The following ZFPM2 variants were observed in gnomAD, a reference collection of about 807,000 sequenced individuals.
ZFPM2 encodes zinc finger protein, FOG family member 2.
ZFPM2 carries 20 observed loss-of-function variants against 98.6 expected under a neutral mutation model. The observed-to-expected ratio is 0.20, with a 90% confidence interval of 0.14 to 0.29. The LOEUF (loss-of-function observed/expected upper bound fraction) is 0.29, where lower values mean the gene tolerates loss of function less well. ZFPM2 is among the 10% of genes least tolerant of loss of function. The probability of loss-of-function intolerance (pLI) is 1.00; values close to 1 mark genes in which losing one functional copy is unlikely to be tolerated. For missense variants in ZFPM2, 1,310 were observed against 1,388.6 expected, an observed-to-expected ratio of 0.94 and a Z score of 0.90; for synonymous variants, 518 against 502.7, an observed-to-expected ratio of 1.03 and a Z score of -0.41.
intron 2 of ZFPM2, among the ~76,000 whole-genome samples, chr8:105,438,763 A>G (rs1214459318): frequency 6.6e-6 from 1 of 152,162 alleles, no homozygotes; most frequent in Non-Finnish European, 1.5e-5. Flanking sequence ...ACAGGGTCAT[A>G]TCAGTCCCCC....
intron 5 of ZFPM2, among the ~76,000 whole-genome samples, chr8:105,778,872 C>G (rs1813173242): frequency 6.6e-6 from 1 of 151,048 alleles, no homozygotes; most frequent in Admixed American, 6.6e-5. Flanking sequence ...ATCTTGAGAG[C>G]CTGATTCACA....
intron 5 of ZFPM2, among the ~76,000 whole-genome samples, chr8:105,730,634 C>A (rs1323849943): frequency 1.3e-5 from 2 of 151,628 alleles, no homozygotes; most frequent in East Asian, 3.9e-4. Context: ...CTTAATGCCT[C>A]TTCTGGACAT....
At chr8:105,487,204 C>G (rs1813246955) in intron 3 of ZFPM2, among the ~76,000 whole-genome samples, 1 of 152,080 alleles carries the variant, frequency 6.6e-6, no homozygotes, top group Admixed American at 6.5e-5. Flanking sequence ...CCTGGACCTC[C>G]TGGGCTCAAG....
chr8:105,633,899 C>G (rs1424861673), intron 4 of ZFPM2, among the ~76,000 whole-genome samples: 3 of 152,000 alleles, frequency 2.0e-5, no homozygotes, highest in African/African-American at 7.2e-5. Flanking sequence ...TACAATGTGT[C>G]TAAAGTTCAC....
At chr8:105,487,099 T>C (rs559016315) in intron 3 of ZFPM2, among the ~76,000 whole-genome samples, 1 of 152,274 alleles carries the variant, frequency 6.6e-6, no homozygotes, top group African/African-American at 2.4e-5. Flanking sequence ...TAAAAGCTTA[T>C]ATGTAGTGTG....
intron 1 of ZFPM2, among the ~76,000 whole-genome samples, chr8:105,362,355 G>A (rs1482240398): frequency 6.6e-6 from 1 of 151,870 alleles, no homozygotes; most frequent in African/African-American, 2.4e-5. Flanking sequence ...TTATATTGGT[G>A]CTACTAAGTT....
chr8:105,429,173 A>G (rs1811969718), intron 2 of ZFPM2, among the ~76,000 whole-genome samples: 1 of 152,160 alleles, frequency 6.6e-6, no homozygotes, highest in Admixed American at 6.5e-5. Context: ...TATTGTTGCT[A>G]TATGATTAGC....
At chr8:105,627,762 A>G (rs1235526606) in intron 4 of ZFPM2, among the ~76,000 whole-genome samples, 1 of 152,168 alleles carries the variant, frequency 6.6e-6, no homozygotes. Context: ...TGAATTGGCC[A>G]TTGGATCTTA....
chr8:105,422,405 C>A (rs775270717), intron 2 of ZFPM2, among the ~76,000 whole-genome samples: 6 of 152,106 alleles, frequency 3.9e-5, no homozygotes, highest in Non-Finnish European at 8.8e-5. Flanking sequence ...TGAGCCACTG[C>A]ATGCCCGCCT....
At chr8:105,770,405 C>T (rs753644092) in intron 5 of ZFPM2, among the ~76,000 whole-genome samples, 8 of 152,018 alleles carry the variant, frequency 5.3e-5, no homozygotes, top group Admixed American at 2.0e-4. Flanking sequence ...TTTTATCTCA[C>T]GAAAGTTAAC....
intron 1 of ZFPM2, among the ~76,000 whole-genome samples, chr8:105,386,053 A>G (rs1241490927): frequency 2.6e-5 from 4 of 152,202 alleles, no homozygotes; most frequent in Admixed American, 6.5e-5. Context: ...AATATTAAAT[A>G]AATTAATGTA....
At chr8:105,664,360 T>TGTGTGTGTGTGTGA (rs549592245) in intron 5 of ZFPM2, among the ~76,000 whole-genome samples, 1 of 144,450 alleles carries the variant, frequency 6.9e-6, no homozygotes, top group African/African-American at 2.5e-5. Context: ...TGTGTGTGTG[T>TGTGTGTGTGTGTGA]GACAGAGTTT....
chr8:105,370,831 G>A (rs1810608533), intron 1 of ZFPM2, among the ~76,000 whole-genome samples: 1 of 152,182 alleles, frequency 6.6e-6, no homozygotes. Flanking sequence ...GAATCTAGCT[G>A]GTAATGTACA....
chr8:105,772,607 A>G (rs1377560265), intron 5 of ZFPM2, among the ~76,000 whole-genome samples: 1 of 152,168 alleles, frequency 6.6e-6, no homozygotes, highest in Non-Finnish European at 1.5e-5. Context: ...TTTCCTCCTC[A>G]GCACACATAA....
At position 105,534,122 on chromosome 8, in the gene ZFPM2, CCTT is replaced by C. The variant is rs1563704631; in HGVS notation, c.302-27239_302-27237del. Among the ~76,000 whole-genome samples the C allele has an allele frequency of 8.7e-4, 23 of 26,512 alleles. 1 individual carries two copies. The highest frequency in any genetic ancestry group is 2.1e-3 in the South Asian group (1 of 482). The allele number at this position is 26,512 out of a possible 152,430, so 17.4% of individuals were successfully genotyped here. A position where few individuals can be genotyped will look rare whatever the true frequency, so the allele number is the denominator to read the frequency against. Reference sequence around the variant, plus strand: ...CCCTTCCTCCCTTCCTTCCTCCCTTCCTTCCTCCCTTCCTTCCTTTCTTCCTTC... The same window carrying C: ...CCCTTCCTCCCTTCCTTCCTCCCTTCCCTCCCTTCCTTCCTTTCTTCCTTC... On this transcript the variant is annotated intron_variant, in intron 3 of 7. Coordinates refer to ENST00000407775, the MANE Select transcript of ZFPM2 (RefSeq NM_012082.4).
In ZFPM2 at chr8:105,707,401, T is replaced by C. The variant is rs551368936; in HGVS notation, c.532+73044T>C. Reference sequence around the variant, plus strand: ...AGCAAAAGAAGGTGTGCAATTAGTGTGGGATGACAAGCATAAACTGTCACA... The same window carrying C: ...AGCAAAAGAAGGTGTGCAATTAGTGCGGGATGACAAGCATAAACTGTCACA... On this transcript the variant is annotated intron_variant, in intron 5 of 7. Transcript: ENST00000407775. 7.2e-5 allele frequency among the ~76,000 whole-genome samples: 11 copies of C among 152,206 alleles called. 1 individual carries two copies. The highest frequency in any genetic ancestry group is 2.6e-4 in the African/African-American group (11 of 41,530).
At chr8:105,720,258 C>T (rs1457700575) in intron 5 of ZFPM2, among the ~76,000 whole-genome samples, 2 of 151,858 alleles carry the variant, frequency 1.3e-5, no homozygotes, top group Non-Finnish European at 2.9e-5. Flanking sequence ...GCACTCCTCC[C>T]ACCCACCTGA....
At chr8:105,648,680 A>T (rs1817104559) in intron 5 of ZFPM2, among the ~76,000 whole-genome samples, 1 of 152,102 alleles carries the variant, frequency 6.6e-6, no homozygotes, top group Admixed American at 6.5e-5. Flanking sequence ...CAAAGATCAG[A>T]TGGTTGTAGA....
intron 1 of ZFPM2, among the ~76,000 whole-genome samples, chr8:105,417,397 A>G (rs1323804676): frequency 6.6e-6 from 1 of 152,156 alleles, no homozygotes; most frequent in Non-Finnish European, 1.5e-5. Context: ...CCCTTAAATT[A>G]TACAAATAAA....
Sources: allele counts gnomAD v4.1 joint callset (sites outside exome capture counted in the v4.1 genomes callset), GRCh38; gene constraint gnomAD v4.1.1; transcripts MANE v1.5; gene names NCBI Gene and HGNC (gene_info 2026-07-23, HGNC 2026-07-21).